ATP5ME: variants seen among roughly 807,000 people sequenced by gnomAD.
The protein encoded by ATP5ME is ATP synthase membrane subunit e.
A neutral mutation model predicts 11.6 loss-of-function variants in ATP5ME; 10 were observed. The observed-to-expected ratio is 0.86, with a 90% CI of 0.53 to 1.46. ATP5ME has a LOEUF of 1.46. Ranked by LOEUF, ATP5ME falls within the 40% of genes most tolerant of loss-of-function variation. The probability of loss-of-function intolerance (pLI) is 0.00; values close to 1 mark genes in which losing one functional copy is unlikely to be tolerated. For missense variants in ATP5ME, 115 were observed against 85.4 expected (o/e 1.35, Z -1.37); for synonymous variants, 45 against 33.5 (o/e 1.34, Z -1.19).
At chr4:674,055 G>A in intron 1 of ATP5ME, 89 bp from the exon 2 acceptor site, 1 of 1,493,796 alleles carries the variant, frequency 6.7e-7, no homozygotes, top group South Asian at 1.2e-5. Flanking sequence ...GCTGGGCAGA[G>A]GTCGCAGGAG....
intron 3 of ATP5ME, 72 bp from the exon 4 acceptor site, chr4:672,591 CAGTT>C (rs1738568672): frequency 1.4e-6 from 2 of 1,459,260 alleles, no homozygotes; most frequent in Non-Finnish European, 1.9e-6. Context: ...TTCAGCTTCC[CAGTT>C]ATTTTTTTTT....
chr4:673,581 C>T, intron 2 of ATP5ME, 180 bp from the exon 3 acceptor site: 1 of 1,117,676 alleles, frequency 8.9e-7, no homozygotes. Context: ...CCAGAGGCTA[C>T]AGGGCCCCTG....
chr4:672,478 A>C lies in ATP5ME; in HGVS notation c.*22T>G, dbSNP rs776140253. The C allele has an allele frequency of 1.5e-5, 25 of 1,613,914 alleles. No individual in the cohort carries two copies. The South Asian group carries it at 2.7e-4, about 18-fold the overall frequency. On this transcript the variant is annotated 3_prime_UTR_variant, in exon 4 of 4. Coordinates refer to ENST00000304312, the MANE Select transcript of ATP5ME (RefSeq NM_007100.4). ...AGCTTTATTCATCCGCTGCTGGTCC[A>C]AAGAGTGGGTCGCAGGGTCACTCAC... is the stretch of plus-strand genomic sequence containing the variant.
chr4:673,127 G>T (rs552767296), intron 3 of ATP5ME, among the ~76,000 whole-genome samples, 176 bp downstream of exon 3: 1 of 152,330 alleles, frequency 6.6e-6, no homozygotes, highest in East Asian at 1.9e-4. Context: ...CAGGTGATCT[G>T]CCCGCCTTGG....
intron 3 of ATP5ME, among the ~76,000 whole-genome samples, 157 bp from the exon 4 acceptor site, chr4:672,676 C>T (rs1256406631): frequency 6.6e-6 from 1 of 151,056 alleles, no homozygotes; most frequent in Non-Finnish European, 1.5e-5. Flanking sequence ...ACTGCAACCT[C>T]TGCATCCCAG....
intron 1 of ATP5ME, 39 bp downstream of exon 1, chr4:674,173 G>T (rs763951083): frequency 1.2e-6 from 2 of 1,604,208 alleles, no homozygotes; most frequent in South Asian, 1.1e-5. Flanking sequence ...ACACGGGGGG[G>T]CCCAGAGCAC....
At position 673,561 on chromosome 4, in the gene ATP5ME, C is replaced by T. The variant is rs981757225; in HGVS notation, c.92-160G>A. ...AGTCAACGCCTGACCTTCACCCTGA[C>T]GAGTCCAACCCAGAGGCTACAGGGC... On this transcript the variant is annotated intron_variant, in intron 2 of 3. Coordinates refer to ENST00000304312, the MANE Select transcript of ATP5ME (RefSeq NM_007100.4). 7.7e-6 allele frequency: 10 copies of T among 1,302,438 alleles called. No individual in the cohort carries two copies. In the African/African-American group the frequency reaches 1.2e-4, roughly 15 times the overall value. 80.7% of individuals were successfully genotyped at this position (1,302,438 alleles called of 1,614,324 possible). A position where few individuals can be genotyped will look rare whatever the true frequency, so the allele number is the denominator to read the frequency against.
chr4:674,055 G>C, intron 1 of ATP5ME, 89 bp from the exon 2 acceptor site: 1 of 1,493,796 alleles, frequency 6.7e-7, no homozygotes, highest in Non-Finnish European at 9.0e-7. Flanking sequence ...GCTGGGCAGA[G>C]GTCGCAGGAG....
chr4:673,547 G>C, intron 2 of ATP5ME, 146 bp from the exon 3 acceptor site: 2 of 1,412,300 alleles, frequency 1.4e-6, no homozygotes, highest in Non-Finnish European at 1.9e-6. Flanking sequence ...GTCAACGCCT[G>C]ACCTTCACCC....
At chr4:673,760 C>G in intron 2 of ATP5ME, 152 bp downstream of exon 2, 6 of 1,157,982 alleles carry the variant, frequency 5.2e-6, no homozygotes, top group Non-Finnish European at 7.4e-6. Context: ...TGAGCTGATT[C>G]CACTATCGGG....
intron 3 of ATP5ME, 78 bp from the exon 4 acceptor site, chr4:672,597 T>TTA: frequency 4.3e-5 from 5 of 115,548 alleles, no homozygotes; most frequent in Non-Finnish European, 8.2e-5. Flanking sequence ...TTCCCAGTTA[T>TTA]TTTTTTTTTT....
chr4:674,077 CGG>C, intron 1 of ATP5ME, 111 bp from the exon 2 acceptor site: 1 of 865,518 alleles, frequency 1.2e-6, no homozygotes, highest in Admixed American at 2.8e-5. Context: ...GGTGGGGGTC[CGG>C]TCGCCGGGCG....
chr4:672,612 T>G lies in ATP5ME; in HGVS notation c.191-93A>C, dbSNP rs550335445. ...TTCCCAGTTATTTTTTTTTTTTTTT[T>G]TTTTGTTTTGAGACGGAGTCTCGCT... is the stretch of plus-strand genomic sequence containing the variant. On this transcript the variant is annotated intron_variant, in intron 3 of 3. Transcript: ENST00000304312. 1,123 of 1,456,026 alleles carry G rather than the reference T, an allele frequency of 7.7e-4. 5 individuals are homozygous for G. In the East Asian group the frequency reaches 0.015, roughly 19 times the overall value. The allele number at this position is 1,456,026 out of a possible 1,614,324, so 90.2% of individuals were successfully genotyped here. A position where few individuals can be genotyped will look rare whatever the true frequency, so the allele number is the denominator to read the frequency against.
In ATP5ME at chr4:673,964, G is replaced by C. The variant is rs1280134102; in HGVS notation, c.39C>G (p.Leu13=). Residue 13 remains leucine, a splice_region_variant and synonymous_variant, in exon 2 of 4, where the codon CTC becomes CTG. Coordinates refer to ENST00000304312, the MANE Select transcript of ATP5ME (RefSeq NM_007100.4). ...PPVQVSPLIK[L]GRYSALFLGV... ...CGAGGAACAGGGCGGAGTAGCGGCC[G>C]AGCTGCGAAAGAGGTTGGTCAGAGG... is the stretch of plus-strand genomic sequence containing the variant. 2.8e-5 allele frequency: 43 copies of C among 1,545,146 alleles called. No individual in the cohort carries two copies. Among genetic ancestry groups the C allele is most frequent in the Non-Finnish European group, 3.7e-5 (43 of 1,146,768 alleles).
At chr4:673,654 G>A (rs1738638488) in intron 2 of ATP5ME, 1 of 760,132 alleles carries the variant, frequency 1.3e-6, no homozygotes, top group Admixed American at 2.5e-5. Flanking sequence ...CTCCCATCAA[G>A]ACCTCAGCAC....
intron 2 of ATP5ME, 34 bp from the exon 3 acceptor site, chr4:673,435 T>C (rs1186367285): frequency 2.5e-6 from 4 of 1,613,726 alleles, no homozygotes; most frequent in East Asian, 2.2e-5. Flanking sequence ...TAAAATTCAC[T>C]GGAAATGCTG....
chr4:673,744 T>C, intron 2 of ATP5ME, 168 bp downstream of exon 2: 1 of 1,074,942 alleles, frequency 9.3e-7, no homozygotes, highest in Admixed American at 2.0e-5. Context: ...AAGCCTGAGC[T>C]TTGGGTGAGC....
Position 673,630 on chromosome 4 carries a change from C to T in ATP5ME, c.92-229G>A, listed in dbSNP as rs1738637913. On this transcript the variant is annotated intron_variant, in intron 2 of 3. Transcript: ENST00000304312. ...CACGCACTGGCTCACTCGTCCTCTG[C>T]GAACAGGGACTGCCTCCCATCAAGA... 5.1e-6 allele frequency: 4 copies of T among 787,974 alleles called. No individual in the cohort carries two copies. In the Admixed American group the frequency reaches 7.7e-5, roughly 15 times the overall value. The allele number at this position is 787,974 out of a possible 1,614,324, so 48.8% of individuals were successfully genotyped here. A position where few individuals can be genotyped will look rare whatever the true frequency, so the allele number is the denominator to read the frequency against.
At chr4:673,608 G>T in intron 2 of ATP5ME, 1 of 887,222 alleles carries the variant, frequency 1.1e-6, no homozygotes, top group Non-Finnish European at 1.7e-6. Flanking sequence ...ACCCGCTCAC[G>T]CACTGGCTCA....
Sources: gnomAD v4.1 joint callset for allele counts (sites outside exome capture counted in the v4.1 genomes callset) on GRCh38, gnomAD v4.1.1 for gene constraint, MANE v1.5 for transcripts, NCBI Gene and HGNC (gene_info 2026-07-23, HGNC 2026-07-21) for gene names.